Variants in ARHGEF4 observed in about 807,000 individuals in gnomAD.
ARHGEF4 encodes the protein APC-stimulated guanine nucleotide exchange factor 1.
ARHGEF4 carries 119 observed loss-of-function variants against 162.0 expected under a neutral mutation model. The observed-to-expected ratio is 0.73, with a 90% CI of 0.63 to 0.86. ARHGEF4 has a LOEUF of 0.86. Ranked by LOEUF, ARHGEF4 falls within the 40% of genes least tolerant of loss-of-function variation. ARHGEF4 has a pLI of 0.00. For synonymous variants in ARHGEF4, 1,014 were observed against 979.9 expected (o/e 1.03, Z -0.65); for missense variants, 2,488 against 2,456.0 (o/e 1.01, Z -0.28).
In ARHGEF4 at chr2:130,926,701, C is replaced by T. The variant is rs368670272; in HGVS notation, c.3553-4251C>T. Among the ~76,000 whole-genome samples, 11 of 151,130 alleles carry T rather than the reference C, an allele frequency of 7.3e-5. No homozygotes were observed. In the East Asian group the frequency reaches 7.8e-4, roughly 11 times the overall value. ...TTAAGATTTTACAACAAGCTTGCAC[C>T]GATAGCTTGGTGTAAGAGTTAAAGA... is the stretch of plus-strand genomic sequence containing the variant. On this transcript the variant is annotated intron_variant, in intron 2 of 13. Transcript: ENST00000409359.
intron 1 of ARHGEF4, among the ~76,000 whole-genome samples, chr2:130,908,114 A>G (rs763475424): frequency 6.6e-6 from 1 of 151,922 alleles, no homozygotes; most frequent in Non-Finnish European, 1.5e-5. Context: ...TGTTTGTGTC[A>G]TCTCTGATTT....
intron 4 of ARHGEF4, among the ~76,000 whole-genome samples, chr2:130,955,732 G>A (rs1684227126): frequency 6.6e-6 from 1 of 152,134 alleles, no homozygotes; most frequent in African/African-American, 2.4e-5. Flanking sequence ...CACTTTCTGA[G>A]GTCAGTGTTT....
chr2:130,930,390 A>C (rs576391941), intron 2 of ARHGEF4, among the ~76,000 whole-genome samples: 145 of 152,288 alleles, frequency 9.5e-4, no homozygotes, highest in African/African-American at 3.2e-3. Flanking sequence ...GGTGATGCCA[A>C]CACAGGCCTA....
At chr2:131,011,685 G>A in intron 4 of ARHGEF4, 1 of 1,531,906 alleles carries the variant, frequency 6.5e-7, no homozygotes, top group Non-Finnish European at 8.7e-7. Flanking sequence ...GGGTGGGGTA[G>A]AGAGAGGAAA....
chr2:130,887,376 C>A (rs975160451), intron 1 of ARHGEF4, among the ~76,000 whole-genome samples: 1 of 151,924 alleles, frequency 6.6e-6, no homozygotes, highest in Non-Finnish European at 1.5e-5. Context: ...TATACCAAAT[C>A]TGCAGATCAG....
chr2:131,024,421 G>A (rs1052337714), intron 4 of ARHGEF4, among the ~76,000 whole-genome samples: 11 of 151,908 alleles, frequency 7.2e-5, no homozygotes, highest in African/African-American at 2.7e-4. Flanking sequence ...GACTACAGGT[G>A]TGTGCCACCA....
intron 4 of ARHGEF4, chr2:131,011,919 G>A (rs1420412330): frequency 1.4e-6 from 1 of 702,380 alleles, no homozygotes; most frequent in Non-Finnish European, 2.6e-6. Flanking sequence ...GTACGTGGTG[G>A]ACAGATGAAA....
chr2:130,915,301 AG>A lies in ARHGEF4; in HGVS notation c.1357del (p.Glu453LysfsTer88), dbSNP rs1351785521. On this transcript the variant is annotated frameshift_variant, in exon 2 of 14. Transcript: ENST00000409359. LOFTEE classifies it high-confidence loss of function. ...LTSELVKLSAEEVPEPAECKS... is the reference protein window; with the variant it reads ...LTSELVKLSAXEVPEPAECKS... Reference sequence around the variant, plus strand: ...TCAGAGTTAGTGAAGCTCAGTGCAGAGGAAGTGCCTGAGCCCGCTGAGTGCA... The same window carrying A: ...TCAGAGTTAGTGAAGCTCAGTGCAGAGAAGTGCCTGAGCCCGCTGAGTGCA... 6.4e-7 allele frequency: 1 copy of A among 1,550,686 alleles called. No individual in the cohort carries two copies.
At chr2:130,986,834 C>G (rs1011656533) in intron 4 of ARHGEF4, among the ~76,000 whole-genome samples, 1 of 152,230 alleles carries the variant, frequency 6.6e-6, no homozygotes, top group Non-Finnish European at 1.5e-5. Context: ...CCTTCTTTCT[C>G]CTGCTTTTGG....
At position 130,916,586 on chromosome 2, in the gene ARHGEF4, A is replaced by AG; in HGVS notation, c.2644dup (p.Asp882GlyfsTer4). The AG allele has an allele frequency of 3.9e-6, 6 of 1,550,532 alleles. No homozygotes were observed. The highest frequency in any genetic ancestry group is 4.4e-6 in the Non-Finnish European group (5 of 1,146,960). On this transcript the variant is annotated frameshift_variant, in exon 2 of 14. Transcript: ENST00000409359. LOFTEE classifies it high-confidence loss of function. ...CAGGAGCGGGGCACACGGGGACCTC[A>AG]GGGGATCTTGGTAGCCGAGGGCCTT... is the stretch of plus-strand genomic sequence containing the variant.
At chr2:130,912,253 G>A (rs968631779) in intron 1 of ARHGEF4, among the ~76,000 whole-genome samples, 3 of 152,234 alleles carry the variant, frequency 2.0e-5, no homozygotes, top group Admixed American at 6.5e-5. Flanking sequence ...TGGCCCTGCC[G>A]TACAGTCAGG....
chr2:131,037,576 G>A (rs1353645425), intron 5 of ARHGEF4, among the ~76,000 whole-genome samples: 4 of 152,250 alleles, frequency 2.6e-5, no homozygotes, highest in Non-Finnish European at 5.9e-5. Flanking sequence ...GGTCCTAGCA[G>A]GGAGGGTCGT....
intron 4 of ARHGEF4, among the ~76,000 whole-genome samples, chr2:131,025,008 G>C (rs557424725): frequency 9.9e-5 from 15 of 151,970 alleles, no homozygotes; most frequent in Non-Finnish European, 2.1e-4. Context: ...TTGCAAGCTG[G>C]GTTCTGGCCA....
intron 4 of ARHGEF4, among the ~76,000 whole-genome samples, chr2:131,019,928 CT>C (rs1689007395): frequency 2.0e-5 from 3 of 152,278 alleles, no homozygotes; most frequent in African/African-American, 7.2e-5. Flanking sequence ...GCCACCATGC[CT>C]GGCCAGTATT....
chr2:131,042,883 A>G (rs1008145688), intron 10 of ARHGEF4, among the ~76,000 whole-genome samples: 5 of 152,204 alleles, frequency 3.3e-5, no homozygotes, highest in Non-Finnish European at 7.3e-5. Flanking sequence ...TACTCAGTGC[A>G]CTTAGCTGGG....
chr2:131,036,967 C>T (rs796284903), intron 5 of ARHGEF4, among the ~76,000 whole-genome samples: 27 of 152,296 alleles, frequency 1.8e-4, no homozygotes, highest in African/African-American at 6.5e-4. Flanking sequence ...GTCGCCTGAG[C>T]CCTCCTGTCT....
intron 2 of ARHGEF4, among the ~76,000 whole-genome samples, chr2:130,922,286 G>A (rs148974588): frequency 3.5e-4 from 53 of 151,784 alleles, no homozygotes; most frequent in African/African-American, 8.2e-4. Context: ...CAGGAGAATC[G>A]CTTGAACCCA....
At chr2:130,877,185 A>G (rs2566721) in intron 1 of ARHGEF4, among the ~76,000 whole-genome samples, 48,577 of 152,014 alleles carry the variant, frequency 0.32, 10,196 homozygotes, top group African/African-American at 0.58. Context: ...GTTCTAGAAT[A>G]GGCCCAGCTC....
At chr2:130,902,917 G>T (rs868472605) in intron 1 of ARHGEF4, among the ~76,000 whole-genome samples, 2 of 85,344 alleles carry the variant, frequency 2.3e-5, no homozygotes, top group Non-Finnish European at 5.3e-5. Flanking sequence ...CCCCACAGGG[G>T]CTCTGTTTTT....
Sources: allele counts gnomAD v4.1 joint callset (sites outside exome capture counted in the v4.1 genomes callset), GRCh38; gene constraint gnomAD v4.1.1; transcripts MANE v1.5; gene names NCBI Gene and HGNC (gene_info 2026-07-23, HGNC 2026-07-21).